The following WNT3 variants were observed in gnomAD, a reference collection of about 807,000 sequenced individuals.
WNT3 encodes Wnt family member 3, also known as proto-oncogene Wnt-3.
A neutral mutation model predicts 34.2 loss-of-function variants in WNT3; 7 were observed. The observed-to-expected ratio is 0.20, with a 90% CI of 0.12 to 0.38. The LOEUF is 0.38. Among genes scored for constraint, WNT3 ranks in the 10% least tolerant of loss-of-function variants. The pLI, the probability that WNT3 is intolerant of heterozygous loss-of-function variation, is 1.00. For synonymous variants in WNT3, 212 were observed against 211.5 expected (o/e 1.00, Z -0.02); for missense variants, 267 against 499.8 (o/e 0.53, Z 4.44).
intron 1 of WNT3, among the ~76,000 whole-genome samples, chr17:46,796,154 T>G (rs1437849200): frequency 1.3e-5 from 2 of 152,098 alleles, no homozygotes; most frequent in Admixed American, 1.3e-4. Flanking sequence ...CATTACCACG[T>G]TTCCTTGGGA....
intron 1 of WNT3, among the ~76,000 whole-genome samples, chr17:46,793,171 G>A (rs1253437792): frequency 6.6e-6 from 1 of 150,470 alleles, no homozygotes; most frequent in African/African-American, 2.4e-5. Context: ...CTACTTGAGA[G>A]GCTGAGTTGG....
chr17:46,791,924 C>T (rs1367599610), intron 1 of WNT3, among the ~76,000 whole-genome samples: 6 of 152,134 alleles, frequency 3.9e-5, no homozygotes, highest in African/African-American at 1.4e-4. Context: ...CTTGTAGTCC[C>T]AGCTACTGGG....
At chr17:46,798,054 G>A (rs1448573715) in intron 1 of WNT3, among the ~76,000 whole-genome samples, 1 of 152,068 alleles carries the variant, frequency 6.6e-6, no homozygotes, top group Non-Finnish European at 1.5e-5. Context: ...TCAGCCTCCC[G>A]AGTAGCTAGG....
chr17:46,779,090 CA>C lies in WNT3; in HGVS notation c.81-5182del, dbSNP rs1401165027. 3.2e-4 allele frequency among the ~76,000 whole-genome samples: 47 copies of C among 148,336 alleles called. 1 individual carries two copies. In the East Asian group the frequency reaches 8.4e-3, roughly 27 times the overall value. ...ACACACACACACACACACACACACA[CA>C]CACACACACACACCCCAGCCCACTC... On this transcript the variant is annotated intron_variant, in intron 1 of 4. Transcript: ENST00000225512.
chr17:46,770,224 G>C (rs182522084), intron 2 of WNT3, among the ~76,000 whole-genome samples, 176 bp from the exon 3 acceptor site: 2 of 152,362 alleles, frequency 1.3e-5, no homozygotes, highest in African/African-American at 4.8e-5. Context: ...TTTAGACCCA[G>C]TTGGGTATTC....
At chr17:46,782,983 C>T (rs1457353902) in intron 1 of WNT3, among the ~76,000 whole-genome samples, 2 of 152,176 alleles carry the variant, frequency 1.3e-5, no homozygotes, top group Non-Finnish European at 2.9e-5. Context: ...TGTGGGAGAG[C>T]GCCAAGGTGC....
chr17:46,783,092 C>T (rs73987036), intron 1 of WNT3, among the ~76,000 whole-genome samples: 10,249 of 152,234 alleles, frequency 0.067, 862 homozygotes, highest in African/African-American at 0.2. Context: ...ATTCTCTCAA[C>T]GGGGCCCTCT....
intron 1 of WNT3, among the ~76,000 whole-genome samples, chr17:46,789,049 T>C (rs1189766485): frequency 6.6e-6 from 1 of 152,216 alleles, no homozygotes; most frequent in South Asian, 2.1e-4. Flanking sequence ...ACCAGCCTGG[T>C]GTGTGTCTTT....
chr17:46,798,634 G>A (rs950124309), intron 1 of WNT3, among the ~76,000 whole-genome samples: 2 of 152,114 alleles, frequency 1.3e-5, no homozygotes, highest in African/African-American at 4.8e-5. Flanking sequence ...TCCCACCCAG[G>A]CCTCCTGCAC....
chr17:46,797,185 A>G (rs541023421), intron 1 of WNT3, among the ~76,000 whole-genome samples: 1 of 152,338 alleles, frequency 6.6e-6, no homozygotes, highest in African/African-American at 2.4e-5. Context: ...GCGATTCTTA[A>G]GTTTATTTGA....
chr17:46,769,476 T>G (rs1173446624), intron 3 of WNT3, among the ~76,000 whole-genome samples: 1 of 152,140 alleles, frequency 6.6e-6, no homozygotes, highest in East Asian at 1.9e-4. Flanking sequence ...TTCCCAGGAC[T>G]TGACAGCCCT....
At chr17:46,808,520 G>T (rs1481779395) in intron 1 of WNT3, among the ~76,000 whole-genome samples, 1 of 152,210 alleles carries the variant, frequency 6.6e-6, no homozygotes, top group Non-Finnish European at 1.5e-5. Context: ...GTCCAACAGG[G>T]TGTGGGCTCA....
At chr17:46,806,175 G>A (rs2084191951) in intron 1 of WNT3, among the ~76,000 whole-genome samples, 1 of 147,278 alleles carries the variant, frequency 6.8e-6, no homozygotes, top group African/African-American at 2.5e-5. Flanking sequence ...GTGATCCTCG[G>A]TTTTCTTTTT....
chr17:46,768,630 C>T lies in WNT3; in HGVS notation c.758G>A (p.Arg253Gln), dbSNP rs1444493326. The T allele has an allele frequency of 6.2e-7, 1 of 1,614,156 alleles. No individual in the cohort carries two copies. The highest frequency in any genetic ancestry group is 1.7e-5 in the Admixed American group (1 of 60,032). ...GGCCCGGAGGGTCTCCACCCAGCCT[C>T]GGGACTCACGGTGCTTCTCTACTAC... ...EMVVEKHRES[R>Q]GWVETLRAKY... Residue 253 changes from arginine (R) to glutamine (Q), a missense_variant, in exon 4 of 5, where the codon CGA becomes CAA. By Grantham distance (43) the Arg-to-Gln change is conservative. Around this residue, in one of 3 missense-constraint regions of WNT3, gnomAD observed 181 missense variants for 391.3 expected, o/e 0.46. Coordinates refer to ENST00000225512, the MANE Select transcript of WNT3 (RefSeq NM_030753.5). The surrounding 1 kb of genome is among the most constrained non-coding windows in gnomAD (Gnocchi z 5.0).
At chr17:46,766,401 A>G (rs1284042037) in intron 4 of WNT3, among the ~76,000 whole-genome samples, 3 of 151,196 alleles carry the variant, frequency 2.0e-5, no homozygotes, top group African/African-American at 7.3e-5. Context: ...AGAGAGACTC[A>G]GTCTCAAAAA....
chr17:46,812,264 A>G (rs1433939136), intron 1 of WNT3, among the ~76,000 whole-genome samples: 2 of 152,216 alleles, frequency 1.3e-5, no homozygotes, highest in African/African-American at 2.4e-5. Context: ...CCAAAGGGAC[A>G]GGGAGGGCCT....
intron 2 of WNT3, among the ~76,000 whole-genome samples, chr17:46,771,780 G>A (rs1247659045): frequency 7.0e-6 from 1 of 142,792 alleles, no homozygotes; most frequent in South Asian, 2.1e-4. Flanking sequence ...GCCGCGCCGC[G>A]CCGCGCCGAA....
At chr17:46,799,066 A>G (rs892649311) in intron 1 of WNT3, among the ~76,000 whole-genome samples, 2 of 151,604 alleles carry the variant, frequency 1.3e-5, no homozygotes, top group African/African-American at 2.4e-5. Flanking sequence ...AAAAAAAAAA[A>G]ATCCCTGATA....
chr17:46,776,585 C>A (rs576661979), intron 1 of WNT3, among the ~76,000 whole-genome samples: 2 of 152,270 alleles, frequency 1.3e-5, no homozygotes. Context: ...TCCCTCTGGG[C>A]TCAGGCTGCC....
Sources: allele counts gnomAD v4.1 joint callset (sites outside exome capture counted in the v4.1 genomes callset), GRCh38; gene constraint gnomAD v4.1.1; regional missense constraint gnomAD v4.1.1; non-coding constraint Gnocchi (gnomAD v3.1); transcripts MANE v1.5; gene names NCBI Gene and HGNC (gene_info 2026-07-23, HGNC 2026-07-21).